ASH1L: variants seen among roughly 807,000 people sequenced by gnomAD.
The protein encoded by ASH1L is histone-lysine N-methyltransferase ASH1L.
A neutral mutation model predicts 269.0 loss-of-function variants in ASH1L; 23 were observed. That is an observed-to-expected ratio of 0.09 (90% CI 0.06 to 0.12). The LOEUF (loss-of-function observed/expected upper bound fraction) is 0.12. ASH1L is among the 10% of genes least tolerant of loss of function. The pLI is 1.00. For synonymous variants in ASH1L, 1,187 were observed against 1,253.5 expected (o/e 0.95, Z 1.12); for missense variants, 2,912 against 3,567.8 (o/e 0.82, Z 4.68).
intron 7 of ASH1L, among the ~76,000 whole-genome samples, chr1:155,380,876 G>A (rs1436285570): frequency 6.6e-6 from 1 of 151,666 alleles, no homozygotes; most frequent in African/African-American, 2.4e-5. Context: ...CTGACCTAAG[G>A]TGGTCCACCT....
At chr1:155,529,172 C>G (rs911053481) in intron 1 of ASH1L, among the ~76,000 whole-genome samples, 1 of 152,094 alleles carries the variant, frequency 6.6e-6, no homozygotes, top group African/African-American at 2.4e-5. Flanking sequence ...ACGCATGCAT[C>G]TGTCTTTATG....
At position 155,562,425 on chromosome 1, in the gene ASH1L, A is replaced by G. The variant is rs1672068285; in HGVS notation, c.-372T>C. The G allele has an allele frequency of 2.7e-6, 4 of 1,476,664 alleles. No homozygotes were observed. Among genetic ancestry groups the G allele is most frequent in the East Asian group, 2.5e-5 (1 of 40,402 alleles). 91.5% of individuals were successfully genotyped at this position (1,476,664 alleles called of 1,614,324 possible). On this transcript the variant is annotated 5_prime_UTR_variant, in exon 1 of 28. Coordinates refer to ENST00000392403, the MANE Select transcript of ASH1L (RefSeq NM_018489.3). ...AAAGCGAACCCAAAATGGCGGCGGG[A>G]GCGGCGGCGGCGGCGGCGGCAGCAG...
chr1:155,465,306 A>AC (rs1338855295), intron 3 of ASH1L, among the ~76,000 whole-genome samples: 2 of 151,164 alleles, frequency 1.3e-5, no homozygotes, highest in African/African-American at 2.4e-5. Flanking sequence ...AAAAAAAAAA[A>AC]AAAAAACAGT....
intron 26 of ASH1L, among the ~76,000 whole-genome samples, chr1:155,338,826 C>T (rs1465362534): frequency 6.6e-6 from 1 of 152,094 alleles, no homozygotes; most frequent in Non-Finnish European, 1.5e-5. Context: ...TTATGGTAAG[C>T]TATTGGTGTA....
chr1:155,408,752 G>A (rs1659517680), intron 6 of ASH1L, among the ~76,000 whole-genome samples: 1 of 151,970 alleles, frequency 6.6e-6, no homozygotes, highest in Non-Finnish European at 1.5e-5. Context: ...AAGCATGATA[G>A]CTTATGCCTC....
chr1:155,395,654 T>C, intron 6 of ASH1L, 101 bp from the exon 7 acceptor site: 4 of 672,298 alleles, frequency 5.9e-6, no homozygotes, highest in African/African-American at 1.9e-5. Context: ...GGGTACCAAG[T>C]ACATTGATAA....
intron 5 of ASH1L, chr1:155,434,076 AG>A (rs1465147812): frequency 1.3e-6 from 2 of 1,591,762 alleles, no homozygotes; most frequent in Non-Finnish European, 1.7e-6. Flanking sequence ...GAGGATTTTG[AG>A]GCTGCTGGGT....
At chr1:155,507,587 T>C (rs145815019) in intron 2 of ASH1L, among the ~76,000 whole-genome samples, 52 of 152,284 alleles carry the variant, frequency 3.4e-4, no homozygotes, top group African/African-American at 7.5e-4. Context: ...GGTATAATGA[T>C]ATGACCAAAT....
rs774543191 is a variant in ASH1L, at chr1:155,562,154, G to T, written c.-101C>A. ...GCCGGCCCAAATCGTTCTACTCACC[G>T]TGTCGGAGGCCGAGGCCGAGGCCGA... On this transcript the variant is annotated splice_region_variant and 5_prime_UTR_variant, in exon 1 of 28. Coordinates refer to ENST00000392403, the MANE Select transcript of ASH1L (RefSeq NM_018489.3). The T allele has an allele frequency of 6.4e-7, 1 of 1,563,484 alleles. No homozygotes were observed. Among genetic ancestry groups the T allele is most frequent in the African/African-American group, 1.4e-5 (1 of 73,958 alleles).
chr1:155,459,833 G>C lies in ASH1L; in HGVS notation c.5050C>G (p.Arg1684Gly). Reference protein sequence around the residue: ...PSESTNCSPTRKRSSSESTSS... With the variant: ...PSESTNCSPTGKRSSSESTSS... Reference sequence around the variant, plus strand: ...GTACTCTCAGATGAAGACCTTTTCCGGGTAGGGCTACAATTTGTGCTCTCT... The same window carrying C: ...GTACTCTCAGATGAAGACCTTTTCCCGGTAGGGCTACAATTTGTGCTCTCT... The change falls in exon 4 of 28, where the codon CGG becomes GGG. Residue 1684 changes from arginine to glycine, a missense_variant. By Grantham distance (125) the Arg-to-Gly change is moderately radical. Around this residue, in one of 13 missense-constraint regions of ASH1L, gnomAD observed 789 missense variants for 897.6 expected, o/e 0.88. Coordinates refer to ENST00000392403, the MANE Select transcript of ASH1L (RefSeq NM_018489.3). 1.9e-6 allele frequency: 3 copies of C among 1,613,426 alleles called. No homozygotes were observed. The highest frequency in any genetic ancestry group is 2.5e-6 in the Non-Finnish European group (3 of 1,179,752).
chr1:155,346,293 A>G, intron 21 of ASH1L, 90 bp downstream of exon 21: 1 of 1,556,438 alleles, frequency 6.4e-7, no homozygotes, highest in Non-Finnish European at 8.8e-7. Context: ...CTATTAAAGG[A>G]AATTCTGCAA....
intron 1 of ASH1L, among the ~76,000 whole-genome samples, chr1:155,529,078 C>T (rs1184036303): frequency 3.3e-5 from 5 of 152,074 alleles, no homozygotes; most frequent in African/African-American, 2.4e-5. Context: ...ATATGTACTA[C>T]ATTTTCTTTA....
chr1:155,376,212 G>A (rs1431808692), intron 10 of ASH1L, among the ~76,000 whole-genome samples: 1 of 152,204 alleles, frequency 6.6e-6, no homozygotes, highest in Non-Finnish European at 1.5e-5. Context: ...ATGTGAACCT[G>A]TATGTACATA....
intron 1 of ASH1L, 80 bp from the exon 2 acceptor site, chr1:155,521,698 CAAG>C: frequency 2.1e-6 from 1 of 486,256 alleles, no homozygotes; most frequent in Non-Finnish European, 3.5e-6. Context: ...TAGGGGAAGA[CAAG>C]GAGGTCAACA....
chr1:155,532,624 A>G (rs1393092766), intron 1 of ASH1L, among the ~76,000 whole-genome samples: 1 of 151,916 alleles, frequency 6.6e-6, no homozygotes, highest in Non-Finnish European at 1.5e-5. Context: ...GGAGTTCAAG[A>G]CCAGCCTGGC....
At chr1:155,556,446 A>T (rs546232456) in intron 1 of ASH1L, among the ~76,000 whole-genome samples, 1 of 150,086 alleles carries the variant, frequency 6.7e-6, no homozygotes, top group Non-Finnish European at 1.5e-5. Flanking sequence ...GTGTATGTGT[A>T]TATATATATA....
intron 2 of ASH1L, among the ~76,000 whole-genome samples, chr1:155,498,937 CAA>C (rs1298215451): frequency 6.9e-6 from 1 of 145,832 alleles, no homozygotes; most frequent in Non-Finnish European, 1.5e-5. Context: ...AAAAAAAAGC[CAA>C]AAAGAAATAT....
rs185594388 is a variant in ASH1L, at chr1:155,361,202, T to C, written c.6687-793A>G. Among the ~76,000 whole-genome samples the C allele has an allele frequency of 6.2e-3, 936 of 151,856 alleles. 10 individuals are homozygous for C. Among genetic ancestry groups the C allele is most frequent in the African/African-American group, 0.022 (911 of 41,440 alleles). ...TTCAAGACCAGCCAGGCCAACATAG[T>C]GAAACCCCGTCTCTACTAAAAATAC... is the stretch of plus-strand genomic sequence containing the variant. On this transcript the variant is annotated intron_variant, in intron 12 of 27. Coordinates refer to ENST00000392403, the MANE Select transcript of ASH1L (RefSeq NM_018489.3).
In ASH1L at chr1:155,481,924, A is replaced by C; in HGVS notation, c.946T>G (p.Phe316Val). 6.2e-7 allele frequency: 1 copy of C among 1,614,194 alleles called. No individual in the cohort carries two copies. Among genetic ancestry groups the C allele is most frequent in the African/African-American group, 1.3e-5 (1 of 75,050 alleles). The change falls in exon 3 of 28, where the codon TTC becomes GTC. Residue 316 changes from phenylalanine (F) to valine (V), a missense_variant. This residue lies in a region of ASH1L where 277 missense variants were observed against 367.7 expected (regional missense o/e 0.75). Transcript: ENST00000392403. ...KKLGTGTTAV[F>V]INKNLGKKPG... is the part of the protein sequence containing the mutation. ...TTTTTGCCTAAGTTTTTATTAATGA[A>C]TACCGCTGTAGTGCCAGTTCCCAGT...
Sources: gnomAD v4.1 joint callset for allele counts (sites outside exome capture counted in the v4.1 genomes callset) on GRCh38, gnomAD v4.1.1 for gene constraint, gnomAD v4.1.1 regional missense constraint, MANE v1.5 for transcripts, NCBI Gene and HGNC (gene_info 2026-07-23, HGNC 2026-07-21) for gene names.